CNTN6: variants seen among roughly 807,000 people sequenced by gnomAD.
CNTN6 encodes contactin 6, also known as contactin-6.
CNTN6 carries 137 observed loss-of-function variants against 122.8 expected under a neutral mutation model. The ratio of observed to expected loss-of-function variants is 1.12; its 90% CI spans 0.97 to 1.29. CNTN6 has a LOEUF of 1.29. Among genes scored for constraint, CNTN6 ranks in the 50% most tolerant of loss-of-function variants. The pLI is 0.00. For synonymous variants in CNTN6, 570 were observed against 426.0 expected (o/e 1.34, Z -4.16); for missense variants, 1,634 against 1,223.4 (o/e 1.34, Z -5.01).
intron 2 of CNTN6, among the ~76,000 whole-genome samples, chr3:1,166,094 G>A (rs1053324156): frequency 4.6e-5 from 7 of 152,180 alleles, no homozygotes; most frequent in Admixed American, 3.3e-4. Context: ...TTCTCAGTGC[G>A]TTGCTTGGAT....
chr3:1,099,115 T>C (rs1054848603), intron 1 of CNTN6, among the ~76,000 whole-genome samples: 3 of 152,086 alleles, frequency 2.0e-5, no homozygotes, highest in African/African-American at 7.2e-5. Flanking sequence ...ATTTAACTTG[T>C]GTAACTCATT....
intron 2 of CNTN6, among the ~76,000 whole-genome samples, chr3:1,206,357 C>T (rs2093958268): frequency 6.6e-6 from 1 of 152,094 alleles, no homozygotes; most frequent in East Asian, 1.9e-4. Context: ...GTGTATTTTC[C>T]ATCTGTCTCC....
intron 2 of CNTN6, among the ~76,000 whole-genome samples, chr3:1,201,337 C>T (rs1398319631): frequency 6.6e-6 from 1 of 152,062 alleles, no homozygotes; most frequent in African/African-American, 2.4e-5. Flanking sequence ...AGCATCATGG[C>T]TTCCAATGTT....
intron 4 of CNTN6, among the ~76,000 whole-genome samples, chr3:1,241,023 G>T (rs933391808): frequency 6.6e-6 from 1 of 152,038 alleles, no homozygotes; most frequent in African/African-American, 2.4e-5. Context: ...TCTTAAGGGT[G>T]GGGGAGACTA....
At chr3:1,270,449 T>A (rs2095004924) in intron 4 of CNTN6, among the ~76,000 whole-genome samples, 1 of 152,176 alleles carries the variant, frequency 6.6e-6, no homozygotes, top group African/African-American at 2.4e-5. Flanking sequence ...TTATGCAGAT[T>A]TGGGGATTTG....
intron 7 of CNTN6, among the ~76,000 whole-genome samples, chr3:1,313,787 A>G (rs564355216): frequency 6.6e-6 from 1 of 152,096 alleles, no homozygotes; most frequent in Non-Finnish European, 1.5e-5. Flanking sequence ...GTTGTTCACA[A>G]GTTCTGGAGG....
intron 5 of CNTN6, among the ~76,000 whole-genome samples, chr3:1,284,584 G>T (rs763178229): frequency 6.6e-6 from 1 of 152,100 alleles, no homozygotes; most frequent in Non-Finnish European, 1.5e-5. Context: ...TCGTTTTTCT[G>T]CATTTTAGTG....
chr3:1,096,974 A>T (rs1317652769), intron 1 of CNTN6, among the ~76,000 whole-genome samples: 1 of 152,162 alleles, frequency 6.6e-6, no homozygotes, highest in Admixed American at 6.5e-5. Flanking sequence ...AAATCTCTTT[A>T]TTTAAGGAGT....
At chr3:1,275,172 G>A (rs1692107078) in intron 4 of CNTN6, among the ~76,000 whole-genome samples, 1 of 151,936 alleles carries the variant, frequency 6.6e-6, no homozygotes, top group South Asian at 2.1e-4. Context: ...GTCCTGAATC[G>A]TCAGTCTCTT....
intron 20 of CNTN6, among the ~76,000 whole-genome samples, chr3:1,389,437 G>A (rs373752404): frequency 0.022 from 3,287 of 151,884 alleles, 104 homozygotes; most frequent in African/African-American, 0.071. Context: ...AGGAACAACC[G>A]GTACCAGCCG....
At chr3:1,170,457 T>C (rs921585046) in intron 2 of CNTN6, among the ~76,000 whole-genome samples, 2 of 152,232 alleles carry the variant, frequency 1.3e-5, no homozygotes, top group Admixed American at 1.3e-4. Flanking sequence ...ATAACAAACC[T>C]GGGTGTCTAT....
intron 5 of CNTN6, among the ~76,000 whole-genome samples, chr3:1,291,857 C>T (rs1364836226): frequency 6.6e-6 from 1 of 152,014 alleles, no homozygotes; most frequent in Non-Finnish European, 1.5e-5. Context: ...AATAAAGACT[C>T]AATACATGAG....
rs899835447 is a variant in CNTN6 at position 1,359,242 on chromosome 3, C to T, written c.1492+6791C>T. On this transcript the variant is annotated intron_variant, in intron 12 of 22. Coordinates refer to ENST00000446702, the MANE Select transcript of CNTN6 (RefSeq NM_001289080.2). ...CTTTGAAACAGAGTAGTTGTCATAT[C>T]TAATTTATTACACAGAATCTACAGA... 5.0e-4 allele frequency among the ~76,000 whole-genome samples: 76 copies of T among 152,188 alleles called. 1 individual carries two copies. Among genetic ancestry groups the T allele is most frequent in the African/African-American group, 1.8e-3 (75 of 41,550 alleles).
At chr3:1,301,704 A>G (rs191772106) in intron 7 of CNTN6, among the ~76,000 whole-genome samples, 3 of 150,982 alleles carry the variant, frequency 2.0e-5, no homozygotes, top group East Asian at 1.9e-4. Flanking sequence ...GTAAAAATGG[A>G]AAGTCTGAAG....
chr3:1,373,157 C>G (rs1709330330), intron 14 of CNTN6, among the ~76,000 whole-genome samples: 1 of 152,120 alleles, frequency 6.6e-6, no homozygotes, highest in African/African-American at 2.4e-5. Context: ...AGACATGGAA[C>G]TGTGTAGGAT....
rs1334100485 is a variant in CNTN6, at chr3:1,295,630, A to T, written c.484A>T (p.Asn162Tyr). 1 of 1,613,676 alleles carries T rather than the reference A, an allele frequency of 6.2e-7. No homozygotes were observed. The highest frequency in any genetic ancestry group is 8.5e-7 in the Non-Finnish European group (1 of 1,179,826). Residue 162 changes from asparagine to tyrosine, a missense_variant, in exon 6 of 23, where the codon AAC (asparagine) becomes TAC (tyrosine). By Grantham distance (143) the Asn-to-Tyr change is moderately radical. Coordinates refer to ENST00000446702, the MANE Select transcript of CNTN6 (RefSeq NM_001289080.2). Reference protein sequence around the residue: ...DLSYAWTFNDNPLYVQEDNRR... With the variant: ...DLSYAWTFNDYPLYVQEDNRR... ...ATCTTATGCATGGACCTTCAATGAT[A>T]ACCCCTTATACGTCCAAGAGGACAA...
intron 9 of CNTN6, 40 bp downstream of exon 9, chr3:1,325,991 C>T (rs1701491503): frequency 6.4e-7 from 1 of 1,569,694 alleles, no homozygotes; most frequent in African/African-American, 1.4e-5. Context: ...ACCTACTCTA[C>T]TAGGTAAATT....
chr3:1,243,645 C>G (rs1472718226), intron 4 of CNTN6, among the ~76,000 whole-genome samples: 2 of 152,122 alleles, frequency 1.3e-5, no homozygotes, highest in Admixed American at 6.6e-5. Flanking sequence ...TAAACGCTAT[C>G]TGATTTGGGA....
At chr3:1,375,058 A>T (rs1314083350) in intron 16 of CNTN6, among the ~76,000 whole-genome samples, 1 of 152,080 alleles carries the variant, frequency 6.6e-6, no homozygotes, top group Non-Finnish European at 1.5e-5. Flanking sequence ...TACACCCAGC[A>T]TTCTCCATAA....
Sources: allele counts gnomAD v4.1 joint callset (sites outside exome capture counted in the v4.1 genomes callset), GRCh38; gene constraint gnomAD v4.1.1; transcripts MANE v1.5; gene names NCBI Gene and HGNC (gene_info 2026-07-23, HGNC 2026-07-21).